WWOX: variants seen among roughly 807,000 people sequenced by gnomAD.
WWOX encodes the protein WW domain containing oxidoreductase.
In WWOX, 69 loss-of-function variants were observed where a neutral mutation model predicts 46.2. The observed-to-expected ratio is 1.49, with a 90% CI of 1.23 to 1.82. WWOX has a LOEUF of 1.82. WWOX is among the 40% of genes most tolerant of loss of function. The pLI, the probability that WWOX is intolerant of heterozygous loss-of-function variation, is 0.00. For missense variants in WWOX, 919 were observed against 542.6 expected, an observed-to-expected ratio of 1.69 and a Z score of -6.89; for synonymous variants, 359 against 202.6, an observed-to-expected ratio of 1.77 and a Z score of -6.56.
At position 78,110,705 on chromosome 16, in the gene WWOX, TG is replaced by T. The variant is rs370151540; in HGVS notation, c.230+871del. On this transcript the variant is annotated intron_variant, in intron 3 of 8. Coordinates refer to ENST00000566780, the MANE Select transcript of WWOX (RefSeq NM_016373.4). ...GAGCCAGGCCTGATTCTAATCATCTTGTATCTGTAGCATTAGGTCATTGGAT... is the reference window on the plus strand; with the variant it reads ...GAGCCAGGCCTGATTCTAATCATCTTTATCTGTAGCATTAGGTCATTGGAT... 5.1e-3 allele frequency among the ~76,000 whole-genome samples: 773 copies of T among 152,310 alleles called. 5 individuals are homozygous for T. The highest frequency in any genetic ancestry group is 0.013 in the South Asian group (64 of 4,828).
intron 8 of WWOX, among the ~76,000 whole-genome samples, chr16:79,099,577 T>C (rs1227639695): frequency 6.9e-6 from 1 of 144,748 alleles, no homozygotes; most frequent in Non-Finnish European, 1.5e-5. Context: ...TGTGTGCGTG[T>C]GTGTGTGTGT....
intron 8 of WWOX, among the ~76,000 whole-genome samples, chr16:78,883,723 CA>C (rs202124516): frequency 0.04 from 4,737 of 119,812 alleles, 137 homozygotes; most frequent in African/African-American, 0.099. Context: ...GACTCTGTCT[CA>C]AAAAAAAAAA....
chr16:78,989,286 G>C (rs1215164501), intron 8 of WWOX, among the ~76,000 whole-genome samples: 2 of 152,066 alleles, frequency 1.3e-5, no homozygotes, highest in Admixed American at 6.6e-5. Context: ...CTTCTTTTTA[G>C]TTTGATTAGT....
At chr16:78,356,071 T>TAAAAAAAAAAAAAAAAAAAA (rs61113878) in intron 5 of WWOX, among the ~76,000 whole-genome samples, 19 of 76,142 alleles carry the variant, frequency 2.5e-4, no homozygotes, top group African/African-American at 7.9e-4. Flanking sequence ...TTTTTTTTCC[T>TAAAAAAAAAAAAAAAAAAAA]AAAAAAAAAA....
At chr16:78,116,650 C>T (rs2032807600) in intron 4 of WWOX, among the ~76,000 whole-genome samples, 1 of 152,028 alleles carries the variant, frequency 6.6e-6, no homozygotes, top group Non-Finnish European at 1.5e-5. Flanking sequence ...TGGCTGGATC[C>T]CCAATCTAAG....
chr16:79,038,875 A>C (rs1452528806), intron 8 of WWOX, among the ~76,000 whole-genome samples: 1 of 152,192 alleles, frequency 6.6e-6, no homozygotes, highest in East Asian at 1.9e-4. Flanking sequence ...AATCAGAAAA[A>C]TACATTTTTT....
At chr16:78,333,707 C>T (rs1451644409) in intron 5 of WWOX, among the ~76,000 whole-genome samples, 1 of 152,160 alleles carries the variant, frequency 6.6e-6, no homozygotes, top group Admixed American at 6.5e-5. Flanking sequence ...TATGTATGTA[C>T]ATAGACTTGA....
At chr16:78,817,606 A>G (rs902342529) in intron 8 of WWOX, among the ~76,000 whole-genome samples, 2 of 152,188 alleles carry the variant, frequency 1.3e-5, no homozygotes, top group Non-Finnish European at 2.9e-5. Flanking sequence ...AGCACTAATT[A>G]TGTCAACAAG....
At chr16:79,108,920 G>A (rs927063313) in intron 8 of WWOX, among the ~76,000 whole-genome samples, 13 of 144,618 alleles carry the variant, frequency 9.0e-5, no homozygotes, top group African/African-American at 3.3e-4. Flanking sequence ...AAAAAAAAAA[G>A]TTTTTTTTTT....
In WWOX at chr16:78,109,815, C is replaced by T. The variant is rs762102064; in HGVS notation, c.210C>T (p.Asn70=). ...GATGGGAACAAGAAACTGATGAGAA[C>T]GGACAAGTGTTTTTTGTTGAGTAAG... ...PYGWEQETDE[N]GQVFFVDHIN... is the part of the protein sequence containing the mutation. Residue 70 remains asparagine, a synonymous_variant, in exon 3 of 9, where the codon AAC becomes AAT. Coordinates refer to ENST00000566780, the MANE Select transcript of WWOX (RefSeq NM_016373.4). The T allele has an allele frequency of 2.2e-5, 36 of 1,613,942 alleles. No individual in the cohort carries two copies. The highest frequency in any genetic ancestry group is 5.0e-5 in the Admixed American group (3 of 59,996).
chr16:78,606,545 A>G (rs926559938), intron 8 of WWOX, among the ~76,000 whole-genome samples: 1 of 152,048 alleles, frequency 6.6e-6, no homozygotes, highest in East Asian at 1.9e-4. Flanking sequence ...ACAAAAGCAA[A>G]TCCTGTTGAC....
At chr16:78,749,585 A>G (rs771609368) in intron 8 of WWOX, among the ~76,000 whole-genome samples, 12 of 152,182 alleles carry the variant, frequency 7.9e-5, no homozygotes, top group Non-Finnish European at 1.8e-4. Context: ...CAGTGGGGAA[A>G]AAAAGTGGAG....
intron 5 of WWOX, among the ~76,000 whole-genome samples, chr16:78,330,515 G>A (rs1172938415): frequency 2.6e-5 from 4 of 151,994 alleles, no homozygotes; most frequent in Admixed American, 2.0e-4. Flanking sequence ...TCCTGCCTCA[G>A]CCTCCCGAGT....
chr16:78,919,859 G>T (rs1356791119), intron 8 of WWOX, among the ~76,000 whole-genome samples: 2 of 152,134 alleles, frequency 1.3e-5, no homozygotes, highest in East Asian at 3.9e-4. Context: ...GACACAGTGT[G>T]TGCCAAAGCG....
At chr16:78,128,530 T>G (rs2033453979) in intron 4 of WWOX, among the ~76,000 whole-genome samples, 1 of 152,202 alleles carries the variant, frequency 6.6e-6, no homozygotes, top group African/African-American at 2.4e-5. Flanking sequence ...GCCCAGGTCC[T>G]TACTTCTGCT....
chr16:79,051,974 A>G (rs1222728229), intron 8 of WWOX, among the ~76,000 whole-genome samples: 1 of 151,674 alleles, frequency 6.6e-6, no homozygotes, highest in Non-Finnish European at 1.5e-5. Context: ...TCAGCATTCC[A>G]CAAGTTACTT....
intron 8 of WWOX, among the ~76,000 whole-genome samples, chr16:79,082,005 G>C (rs934698577): frequency 9.2e-5 from 14 of 152,198 alleles, no homozygotes; most frequent in South Asian, 4.1e-4. Flanking sequence ...CCACTCGTGA[G>C]AAATTCTGTA....
In WWOX at chr16:78,300,079, G is replaced by T. The variant is rs72792303; in HGVS notation, c.517-86781G>T. 6.4e-3 allele frequency among the ~76,000 whole-genome samples: 979 copies of T among 152,244 alleles called. 5 individuals are homozygous for T. Among genetic ancestry groups the T allele is most frequent in the South Asian group, 0.032 (155 of 4,818 alleles). On this transcript the variant is annotated intron_variant, in intron 5 of 8. Coordinates refer to ENST00000566780, the MANE Select transcript of WWOX (RefSeq NM_016373.4). ...AGAAGGACAGTGCTTAAAACAGAAA[G>T]AATTGAGTAGAAATTAAGACATAGC...
chr16:78,144,504 T>C (rs551857818), intron 4 of WWOX, among the ~76,000 whole-genome samples: 2,707 of 26,228 alleles, frequency 0.1, 526 homozygotes, highest in African/African-American at 0.25. Context: ...CACACACATA[T>C]ATATATATAT....
Sources: allele counts gnomAD v4.1 joint callset (sites outside exome capture counted in the v4.1 genomes callset), GRCh38; gene constraint gnomAD v4.1.1; transcripts MANE v1.5; gene names NCBI Gene and HGNC (gene_info 2026-07-23, HGNC 2026-07-21).